Variants in RAI14 observed in about 807,000 individuals in gnomAD.
RAI14 encodes the protein retinoic acid induced 14.
Under a neutral mutation model 115.4 loss-of-function variants are expected in RAI14, and 45 were observed. The ratio of observed to expected loss-of-function variants is 0.39; its 90% CI spans 0.31 to 0.50. The LOEUF is 0.50. Among genes scored for constraint, RAI14 ranks in the 20% least tolerant of loss-of-function variants. The pLI, the probability that RAI14 is intolerant of heterozygous loss-of-function variation, is 0.85. For missense variants in RAI14, 939 were observed against 1,131.2 expected (o/e 0.83, Z 2.44); for synonymous variants, 371 against 415.4 (o/e 0.89, Z 1.30).
chr5:34,829,172 C>G (rs546903264), intron 16 of RAI14, among the ~76,000 whole-genome samples: 1 of 111,156 alleles, frequency 9.0e-6, no homozygotes, highest in Non-Finnish European at 1.9e-5. Context: ...TACACACACA[C>G]ACACATACAC....
At chr5:34,724,119 A>G (rs968478773) in intron 2 of RAI14, among the ~76,000 whole-genome samples, 3 of 152,012 alleles carry the variant, frequency 2.0e-5, no homozygotes, top group Admixed American at 1.3e-4. Context: ...TGGATTCAAG[A>G]GATTCTCCTG....
At chr5:34,774,343 C>G (rs376522654) in intron 3 of RAI14, among the ~76,000 whole-genome samples, 1 of 152,150 alleles carries the variant, frequency 6.6e-6, no homozygotes, top group East Asian at 1.9e-4. Context: ...TGCCCTCTAG[C>G]CTTGGTGACA....
chr5:34,761,566 G>A (rs1561325260), intron 3 of RAI14, among the ~76,000 whole-genome samples: 1 of 152,080 alleles, frequency 6.6e-6, no homozygotes, highest in Admixed American at 6.6e-5. Flanking sequence ...GGCCTTCAAG[G>A]TCTTTCCTCT....
chr5:34,726,112 A>G (rs1743432452), intron 2 of RAI14, among the ~76,000 whole-genome samples: 1 of 152,138 alleles, frequency 6.6e-6, no homozygotes, highest in Non-Finnish European at 1.5e-5. Context: ...ACGGTGGCTC[A>G]TGCGTATAAT....
At chr5:34,756,469 A>C (rs1747889955) in intron 2 of RAI14, among the ~76,000 whole-genome samples, 2 of 152,176 alleles carry the variant, frequency 1.3e-5, no homozygotes, top group Non-Finnish European at 2.9e-5. Flanking sequence ...AAGGGGCCAG[A>C]AAGTGGGCTT....
chr5:34,826,508 T>A, intron 16 of RAI14, 29 bp downstream of exon 16: 1 of 1,606,348 alleles, frequency 6.2e-7, no homozygotes, highest in South Asian at 1.1e-5. Context: ...GCTGCCTGGT[T>A]TGGGGTGGAG....
chr5:34,659,618 T>A (rs542640655), intron 1 of RAI14, among the ~76,000 whole-genome samples: 1 of 152,312 alleles, frequency 6.6e-6, no homozygotes, highest in South Asian at 2.1e-4. Flanking sequence ...ATTTTTATTT[T>A]TATTTCTTTT....
intron 2 of RAI14, among the ~76,000 whole-genome samples, chr5:34,732,233 A>G (rs1389041366): frequency 6.6e-6 from 1 of 152,158 alleles, no homozygotes; most frequent in Non-Finnish European, 1.5e-5. Context: ...TTTCAGCTGC[A>G]GCCAATGGAC....
chr5:34,657,789 T>A (rs745658776), intron 1 of RAI14, among the ~76,000 whole-genome samples: 2 of 152,216 alleles, frequency 1.3e-5, no homozygotes. Flanking sequence ...GAGTCTCACC[T>A]CCTCGGGCTT....
chr5:34,811,984 T>C, intron 9 of RAI14, 39 bp downstream of exon 9: 1 of 1,517,594 alleles, frequency 6.6e-7, no homozygotes, highest in South Asian at 1.2e-5. Context: ...TTTAAGTTTA[T>C]CCACTCCATT....
At chr5:34,742,055 A>G (rs1439038781) in intron 2 of RAI14, among the ~76,000 whole-genome samples, 1 of 152,190 alleles carries the variant, frequency 6.6e-6, no homozygotes, top group Non-Finnish European at 1.5e-5. Flanking sequence ...AGGGATGGAA[A>G]AGAAGTCAAT....
rs367642235 is a variant in RAI14, at chr5:34,827,477, G to A, written c.2799+998G>A. On this transcript the variant is annotated intron_variant, in intron 16 of 17. Coordinates refer to ENST00000265109, the MANE Select transcript of RAI14 (RefSeq NM_015577.3). The surrounding 1 kb of genome is among the most constrained non-coding windows in gnomAD (Gnocchi z 4.2). ...GTTTTCTACCTAAAGTCCAGGGTTA[G>A]TCTGTCCTGGACTGTCTCTAGCTTC... Among the ~76,000 whole-genome samples the A allele has an allele frequency of 7.9e-5, 12 of 152,190 alleles. No homozygotes were observed. The highest frequency in any genetic ancestry group is 2.7e-4 in the African/African-American group (11 of 41,460).
intron 1 of RAI14, among the ~76,000 whole-genome samples, chr5:34,678,141 T>G (rs1744131152): frequency 6.6e-6 from 1 of 151,472 alleles, no homozygotes; most frequent in Non-Finnish European, 1.5e-5. Flanking sequence ...TCTGTCACCC[T>G]GCCTGGAGTG....
At chr5:34,764,368 G>A (rs1749068480) in intron 3 of RAI14, among the ~76,000 whole-genome samples, 1 of 152,128 alleles carries the variant, frequency 6.6e-6, no homozygotes, top group African/African-American at 2.4e-5. Context: ...CTGGGGATGG[G>A]GTTTCAGAAA....
chr5:34,802,740 G>C (rs1754423599), intron 4 of RAI14, among the ~76,000 whole-genome samples: 1 of 152,188 alleles, frequency 6.6e-6, no homozygotes, highest in African/African-American at 2.4e-5. Flanking sequence ...AGTGATAGAA[G>C]CTGCTAAGTG....
chr5:34,720,660 T>C (rs1417533678), intron 2 of RAI14, among the ~76,000 whole-genome samples: 2 of 152,072 alleles, frequency 1.3e-5, no homozygotes, highest in Non-Finnish European at 2.9e-5. Context: ...TCTGCCCACC[T>C]CGGCCTCCCA....
At chr5:34,801,236 G>A (rs1198168693) in intron 4 of RAI14, among the ~76,000 whole-genome samples, 1 of 152,118 alleles carries the variant, frequency 6.6e-6, no homozygotes, top group Non-Finnish European at 1.5e-5. Context: ...AGTATCCTAT[G>A]CTGATGAAAC....
intron 13 of RAI14, among the ~76,000 whole-genome samples, chr5:34,821,242 C>A (rs1426435882): frequency 2.0e-5 from 3 of 152,124 alleles, no homozygotes; most frequent in African/African-American, 4.8e-5. Flanking sequence ...CGTTGCTGTG[C>A]AGGCTACAGT....
At chr5:34,787,533 A>G (rs1001070123) in intron 3 of RAI14, among the ~76,000 whole-genome samples, 1 of 152,212 alleles carries the variant, frequency 6.6e-6, no homozygotes, top group African/African-American at 2.4e-5. Context: ...AATGTCCAGA[A>G]TAGGCAAATC....
Sources: gnomAD v4.1 joint callset for allele counts (sites outside exome capture counted in the v4.1 genomes callset) on GRCh38, gnomAD v4.1.1 for gene constraint, Gnocchi (gnomAD v3.1) non-coding constraint, MANE v1.5 for transcripts, NCBI Gene and HGNC (gene_info 2026-07-23, HGNC 2026-07-21) for gene names.